The following DPP4 variants were observed in gnomAD, a reference collection of about 807,000 sequenced individuals.
The protein encoded by DPP4 is dipeptidyl peptidase 4.
DPP4 carries 93 observed loss-of-function variants against 122.4 expected under a neutral mutation model. That is an observed-to-expected ratio of 0.76 (90% CI 0.64 to 0.90). The LOEUF (loss-of-function observed/expected upper bound fraction) is 0.90, where lower values mean the gene tolerates loss of function less well. DPP4 is among the 40% of genes least tolerant of loss of function. The pLI is 0.00. For missense variants in DPP4, 914 were observed against 907.3 expected, an observed-to-expected ratio of 1.01 and a Z score of -0.09; for synonymous variants, 321 against 302.9, an observed-to-expected ratio of 1.06 and a Z score of -0.62.
intron 10 of DPP4, among the ~76,000 whole-genome samples, chr2:162,029,798 C>T (rs967840796): frequency 2.2e-5 from 3 of 138,480 alleles, no homozygotes; most frequent in African/African-American, 9.4e-5. Flanking sequence ...CCTTTCCAAT[C>T]CCCTAGATTC....
intron 16 of DPP4, among the ~76,000 whole-genome samples, chr2:162,017,906 T>A (rs548428486): frequency 2.6e-5 from 4 of 152,322 alleles, no homozygotes; most frequent in African/African-American, 9.6e-5. Flanking sequence ...AACTGTGCTT[T>A]GATTTCCTCA....
At chr2:161,999,441 CAGAGTGA>C (rs1701089431) in intron 23 of DPP4, among the ~76,000 whole-genome samples, 1 of 152,164 alleles carries the variant, frequency 6.6e-6, no homozygotes, top group Admixed American at 6.5e-5. Context: ...AAAGGAAACT[CAGAGTGA>C]TAAATGGGCA....
chr2:162,061,686 T>TA (rs969310859), intron 2 of DPP4, among the ~76,000 whole-genome samples: 9 of 152,206 alleles, frequency 5.9e-5, no homozygotes. Context: ...AAATGTTCAT[T>TA]AAAAAAATTT....
intron 5 of DPP4, among the ~76,000 whole-genome samples, chr2:162,042,879 T>C (rs1347253387): frequency 6.6e-6 from 1 of 152,134 alleles, no homozygotes; most frequent in Non-Finnish European, 1.5e-5. Flanking sequence ...TAAAATGGGT[T>C]AACGTGACAG....
chr2:162,054,191 C>T (rs1684484655), intron 2 of DPP4, among the ~76,000 whole-genome samples: 1 of 152,202 alleles, frequency 6.6e-6, no homozygotes, highest in African/African-American at 2.4e-5. Flanking sequence ...CCGTTTCTTG[C>T]TATTTCTCCC....
At chr2:162,051,134 T>A (rs1684368686) in intron 2 of DPP4, among the ~76,000 whole-genome samples, 1 of 152,188 alleles carries the variant, frequency 6.6e-6, no homozygotes, top group East Asian at 1.9e-4. Context: ...TTGAACCGCA[T>A]GAAAATACCA....
At chr2:162,020,090 T>G in intron 14 of DPP4, 139 bp downstream of exon 14, 1 of 685,916 alleles carries the variant, frequency 1.5e-6, no homozygotes, top group Non-Finnish European at 2.4e-6. Context: ...GGCTTCCGTA[T>G]GTTAAAAAGA....
chr2:162,047,084 G>T, intron 3 of DPP4, 78 bp from the exon 4 acceptor site: 1 of 774,610 alleles, frequency 1.3e-6, no homozygotes, highest in Non-Finnish European at 2.1e-6. Context: ...ACAGAATACA[G>T]TTTAAGCTCA....
intron 10 of DPP4, among the ~76,000 whole-genome samples, chr2:162,026,679 A>C (rs563489873): frequency 6.6e-6 from 1 of 152,258 alleles, no homozygotes; most frequent in African/African-American, 2.4e-5. Flanking sequence ...TGCAACTGCC[A>C]CTTTCCATGC....
At chr2:162,025,413 T>G (rs1683290493) in intron 10 of DPP4, among the ~76,000 whole-genome samples, 1 of 152,134 alleles carries the variant, frequency 6.6e-6, no homozygotes, top group Non-Finnish European at 1.5e-5. Context: ...TTTTCTCAAC[T>G]TCATTTTCAA....
rs1162457228 is a variant in DPP4 at position 162,025,734 on chromosome 2, A to G, written c.888-795T>C. ...TGCTTTTTCTCCCTCCTCCTCCCCG[A>G]TTGTGGTTTTGGATTACTATTCACA... On this transcript the variant is annotated intron_variant, in intron 10 of 25. Coordinates refer to ENST00000360534, the MANE Select transcript of DPP4 (RefSeq NM_001935.4). 1.3e-5 allele frequency among the ~76,000 whole-genome samples: 2 copies of G among 151,968 alleles called. 1 individual carries two copies. Among genetic ancestry groups the G allele is most frequent in the Middle Eastern group, 6.3e-3 (2 of 316 alleles).
chr2:162,066,439 T>C (rs1013160718), intron 2 of DPP4, among the ~76,000 whole-genome samples: 3 of 152,116 alleles, frequency 2.0e-5, no homozygotes, highest in Non-Finnish European at 2.9e-5. Context: ...AAAATCATAC[T>C]TGGAATAAGA....
intron 5 of DPP4, 79 bp from the exon 6 acceptor site, chr2:162,039,263 G>A (rs1473517994): frequency 1.8e-6 from 2 of 1,141,608 alleles, no homozygotes; most frequent in Non-Finnish European, 1.3e-6. Context: ...CAAGATGATA[G>A]GTTTGGTAAT....
chr2:162,054,554 C>A (rs1684500345), intron 2 of DPP4, among the ~76,000 whole-genome samples: 1 of 152,068 alleles, frequency 6.6e-6, no homozygotes, highest in African/African-American at 2.4e-5. Flanking sequence ...AGAGGTGGAA[C>A]CATTTGAAGT....
intron 5 of DPP4, among the ~76,000 whole-genome samples, chr2:162,041,058 C>T (rs557324358): frequency 7.4e-6 from 1 of 134,532 alleles, no homozygotes; most frequent in East Asian, 3.3e-4. Context: ...AAAAACATCC[C>T]TATATATTTT....
chr2:162,020,472 T>C, intron 13 of DPP4, 109 bp downstream of exon 13: 2 of 1,043,638 alleles, frequency 1.9e-6, no homozygotes, highest in Non-Finnish European at 2.8e-6. Context: ...TTTAAATTAA[T>C]CTGATTTTTA....
rs750295520 is a variant in DPP4, at chr2:162,020,623, T to G, written c.1134A>C (p.Glu378Asp). 1 of 1,612,954 alleles carries G rather than the reference T, an allele frequency of 6.2e-7. No homozygotes were observed. Among genetic ancestry groups the G allele is most frequent in the South Asian group, 1.1e-5 (1 of 90,592 alleles). Residue 378 changes from glutamate (E) to aspartate (D), a missense_variant, in exon 13 of 26, where the codon GAA (glutamate) becomes GAC (aspartate). Physicochemically the swap from Glu to Asp is conservative, Grantham distance 45 (BLOSUM62 2). Transcript: ENST00000360534. ...GNSFYKIISN[E>D]EGYRHICYFQ... ...AATAGCAAATGTGTCTGTAACCTTCTTCATTGCTGATGATCTTGTAGAAGC... is the reference window on the plus strand; with the variant it reads ...AATAGCAAATGTGTCTGTAACCTTCGTCATTGCTGATGATCTTGTAGAAGC...
intron 10 of DPP4, among the ~76,000 whole-genome samples, chr2:162,029,029 T>G (rs573282487): frequency 7.2e-5 from 11 of 152,326 alleles, no homozygotes; most frequent in African/African-American, 2.6e-4. Flanking sequence ...AGTTCCTCAC[T>G]TAAAGAAATC....
chr2:162,050,156 G>T (rs1285170082), intron 2 of DPP4, among the ~76,000 whole-genome samples: 2 of 152,152 alleles, frequency 1.3e-5, no homozygotes, highest in Non-Finnish European at 2.9e-5. Flanking sequence ...TCAATTGCTT[G>T]TATTCATCCA....
Sources: allele counts gnomAD v4.1 joint callset (sites outside exome capture counted in the v4.1 genomes callset), GRCh38; gene constraint gnomAD v4.1.1; transcripts MANE v1.5; gene names NCBI Gene and HGNC (gene_info 2026-07-23, HGNC 2026-07-21).